Variants in CD22 observed in about 807,000 individuals in gnomAD.
The protein encoded by CD22 is B-cell receptor CD22.
Under a neutral mutation model 94.7 loss-of-function variants are expected in CD22, and 51 were observed. The observed-to-expected ratio is 0.54, with a 90% CI of 0.43 to 0.68. The LOEUF (loss-of-function observed/expected upper bound fraction) is 0.68. CD22 is among the 30% of genes least tolerant of loss of function. The pLI is 0.00. For missense variants in CD22, 931 were observed against 1,060.4 expected, an observed-to-expected ratio of 0.88 and a Z score of 1.69; for synonymous variants, 424 against 422.5, an observed-to-expected ratio of 1.00 and a Z score of -0.04.
intron 2 of CD22, 133 bp from the exon 3 acceptor site, chr19:35,332,414 C>A: frequency 1.0e-6 from 1 of 996,012 alleles, no homozygotes. Flanking sequence ...GAGTTCAAGG[C>A]CAGCTTGGAC....
chr19:35,341,291 C>T lies in CD22; in HGVS notation c.1508-52C>T. ...GCCAAGGGGAGGGGAGGCCTGGGGA[C>T]AGCAAAAGGGACAGGGAGCGGAGAG... On this transcript the variant is annotated intron_variant, in intron 7 of 13. Coordinates refer to ENST00000085219, the MANE Select transcript of CD22 (RefSeq NM_001771.4). This position sits in a 1 kb window ranked among gnomAD's most constrained non-coding sequence, Gnocchi z 4.0. The T allele has an allele frequency of 6.2e-7, 1 of 1,600,558 alleles. No individual in the cohort carries two copies. Among genetic ancestry groups the T allele is most frequent in the East Asian group, 2.2e-5 (1 of 44,656 alleles).
intron 3 of CD22, among the ~76,000 whole-genome samples, chr19:35,335,416 G>A (rs2066707033): frequency 6.6e-6 from 1 of 152,046 alleles, no homozygotes; most frequent in South Asian, 2.1e-4. Flanking sequence ...AACTAGCTAG[G>A]TGTGGTGGCA....
At chr19:35,329,402 G>T in intron 1 of CD22, 172 bp downstream of exon 1, 1 of 400,568 alleles carries the variant, frequency 2.5e-6, no homozygotes, top group Admixed American at 2.7e-5. Flanking sequence ...CATCCTCCTT[G>T]CCAGGCCTGC....
intron 6 of CD22, among the ~76,000 whole-genome samples, chr19:35,340,560 G>A (rs1417311097): frequency 6.6e-6 from 1 of 152,138 alleles, no homozygotes; most frequent in African/African-American, 2.4e-5. Context: ...AATTACAAGC[G>A]TGAGCCACCA....
At chr19:35,332,480 T>G in intron 2 of CD22, 67 bp from the exon 3 acceptor site, 1 of 1,433,248 alleles carries the variant, frequency 7.0e-7, no homozygotes, top group South Asian at 1.5e-5. Flanking sequence ...AATTTTAAAA[T>G]AAAAAATAAC....
chr19:35,337,407 C>CT lies in CD22; in HGVS notation c.719-347dup. ...CCTCAGAGGCTGAAGTTCACCGCCT[C>CT]TGAGGGCCACATGGTAGGACAGGAG... is the stretch of plus-strand genomic sequence containing the variant. On this transcript the variant is annotated intron_variant, in intron 4 of 13. Transcript: ENST00000085219. The surrounding 1 kb of genome is among the most constrained non-coding windows in gnomAD (Gnocchi z 4.4). Among the ~76,000 whole-genome samples the CT allele has an allele frequency of 6.6e-6, 1 of 152,176 alleles. No homozygotes were observed. The highest frequency in any genetic ancestry group is 1.9e-4 in the East Asian group (1 of 5,168).
At chr19:35,338,145 C>G in intron 5 of CD22, 23 bp from the exon 6 acceptor site, 1 of 1,594,420 alleles carries the variant, frequency 6.3e-7, no homozygotes, top group Non-Finnish European at 8.6e-7. Flanking sequence ...CACCCCTCCA[C>G]TCGCCTCTGC....
In CD22 at chr19:35,341,809, T is replaced by C; in HGVS notation, c.1879T>C (p.Tyr627His). ...CGACGCCAACCCTCCCGTCTCCCAC[T>C]ACACCTGGTTTGACTGGAATAACCA... is the stretch of plus-strand genomic sequence containing the variant. Reference protein sequence around the residue: ...ESDANPPVSHYTWFDWNNQSL... With the variant: ...ESDANPPVSHHTWFDWNNQSL... The change falls in exon 9 of 14, where the codon TAC becomes CAC. Residue 627 changes from tyrosine to histidine, a missense_variant. By Grantham distance (83) the Tyr-to-His change is moderately conservative. Transcript: ENST00000085219. The surrounding 1 kb of genome is among the most constrained non-coding windows in gnomAD (Gnocchi z 4.0). 1 of 1,613,940 alleles carries C rather than the reference T, an allele frequency of 6.2e-7. No homozygotes were observed. The highest frequency in any genetic ancestry group is 8.5e-7 in the Non-Finnish European group (1 of 1,180,004).
chr19:35,333,070 C>T, intron 3 of CD22, 146 bp downstream of exon 3: 1 of 753,180 alleles, frequency 1.3e-6, no homozygotes, highest in Admixed American at 2.9e-5. Flanking sequence ...GGCGATGCAG[C>T]AGCACTAGAC....
chr19:35,341,699 C>T lies in CD22; in HGVS notation c.1772-3C>T. 1 of 1,608,462 alleles carries T rather than the reference C, an allele frequency of 6.2e-7. No individual in the cohort carries two copies. ...GCACCCCCTCCCCCTGCCCGCCATG[C>T]AGATGCACCCAGGAGGCTGCGTGTG... is the stretch of plus-strand genomic sequence containing the variant. On this transcript the variant is annotated splice_region_variant and splice_polypyrimidine_tract_variant and intron_variant, in intron 8 of 13. Coordinates refer to ENST00000085219, the MANE Select transcript of CD22 (RefSeq NM_001771.4). The surrounding 1 kb of genome is among the most constrained non-coding windows in gnomAD (Gnocchi z 4.0).
rs17775992 is a variant in CD22, at chr19:35,329,348, C to T, written c.-23+118C>T. On this transcript the variant is annotated intron_variant, in intron 1 of 13. Coordinates refer to ENST00000085219, the MANE Select transcript of CD22 (RefSeq NM_001771.4). Reference sequence around the variant, plus strand: ...ACAGTGGGGACCTCCCTGGCTCTCTCTTACCGGTGTTACAACAGGTTGTAG... The same window carrying T: ...ACAGTGGGGACCTCCCTGGCTCTCTTTTACCGGTGTTACAACAGGTTGTAG... The T allele has an allele frequency of 9.2e-3, 5,222 of 565,308 alleles. 212 individuals carry two copies. The East Asian group carries it at 0.1, about 11-fold the overall frequency. 35.0% of individuals were successfully genotyped at this position (565,308 alleles called of 1,614,324 possible).
At chr19:35,345,234 A>AGGGTTTCACCATGT in intron 11 of CD22, 108 bp downstream of exon 11, 3 of 901,750 alleles carry the variant, frequency 3.3e-6, no homozygotes, top group Non-Finnish European at 5.5e-6. Flanking sequence ...CGTAGCCAAC[A>AGGGTTTCACCATGT]TGGTGAAACC....
At chr19:35,336,363 GT>G in intron 4 of CD22, 22 bp downstream of exon 4, 1 of 1,608,498 alleles carries the variant, frequency 6.2e-7, no homozygotes, top group Non-Finnish European at 8.5e-7. Flanking sequence ...CGGCATGCCT[GT>G]GGGAAGGGCA....
chr19:35,330,973 G>C (rs185277268), intron 1 of CD22: 2 of 152,272 alleles, frequency 1.3e-5, no homozygotes, highest in Admixed American at 1.3e-4. Context: ...CCAGGCTGGA[G>C]TGCAGTTGCA....
intron 9 of CD22, among the ~76,000 whole-genome samples, chr19:35,342,892 G>C (rs1049265607): frequency 2.0e-5 from 3 of 151,900 alleles, no homozygotes; most frequent in African/African-American, 7.2e-5. Context: ...CTCACTGCAA[G>C]CTCTGCCTCC....
At chr19:35,335,563 A>ACAACAACAC in intron 3 of CD22, among the ~76,000 whole-genome samples, 1 of 150,518 alleles carries the variant, frequency 6.6e-6, no homozygotes, top group Admixed American at 6.6e-5. Context: ...TCTCTAAAGA[A>ACAACAACAC]AAAAAGAGGC....
At chr19:35,344,193 CTCAATCAA>C (rs10564562) in intron 9 of CD22, among the ~76,000 whole-genome samples, 1 of 151,756 alleles carries the variant, frequency 6.6e-6, no homozygotes, top group Non-Finnish European at 1.5e-5. Context: ...GAGACTCTGT[CTCAATCAA>C]TCAATCAGTC....
intron 9 of CD22, among the ~76,000 whole-genome samples, chr19:35,342,538 C>T (rs2066831586): frequency 6.6e-6 from 1 of 152,128 alleles, no homozygotes; most frequent in South Asian, 2.1e-4. Flanking sequence ...TCCAGACCAG[C>T]TGGCCCCTTC....
intron 9 of CD22, 127 bp from the exon 10 acceptor site, chr19:35,344,702 C>A: frequency 1.4e-6 from 1 of 702,610 alleles, no homozygotes; most frequent in South Asian, 1.7e-5. Flanking sequence ...TCCTCTGCAC[C>A]CCTGCACGCA....
Sources: gnomAD v4.1 joint callset for allele counts (sites outside exome capture counted in the v4.1 genomes callset) on GRCh38, gnomAD v4.1.1 for gene constraint, Gnocchi (gnomAD v3.1) non-coding constraint, MANE v1.5 for transcripts, NCBI Gene and HGNC (gene_info 2026-07-23, HGNC 2026-07-21) for gene names.